The following APC2 variants were observed in gnomAD, a reference collection of about 807,000 sequenced individuals.
The protein encoded by APC2 is APC regulator of Wnt signaling pathway 2.
APC2 carries 41 observed loss-of-function variants against 72.5 expected under a neutral mutation model. The observed-to-expected ratio is 0.57, with a 90% CI of 0.44 to 0.73. The LOEUF is 0.73. Among genes scored for constraint, APC2 ranks in the 30% least tolerant of loss-of-function variants. The pLI, the probability that APC2 is intolerant of heterozygous loss-of-function variation, is 0.00. For synonymous variants in APC2, 1,898 were observed against 1,612.0 expected, an observed-to-expected ratio of 1.18 and a Z score of -4.25; for missense variants, 3,729 against 3,403.4, an observed-to-expected ratio of 1.10 and a Z score of -2.38.
At chr19:1,454,720 C>T (rs1280318979) in intron 4 of APC2, among the ~76,000 whole-genome samples, 4 of 152,038 alleles carry the variant, frequency 2.6e-5, no homozygotes, top group South Asian at 2.1e-4. Context: ...CCCGCCACCA[C>T]GCCCGGCTAA....
chr19:1,449,241 C>T (rs893268635), upstream of APC2, among the ~76,000 whole-genome samples: 1 of 152,214 alleles, frequency 6.6e-6, no homozygotes, highest in Non-Finnish European at 1.5e-5. Flanking sequence ...AATCACTCTT[C>T]TGGCCCCAGT....
chr19:1,446,461 G>T, upstream of APC2: 10 of 762,946 alleles, frequency 1.3e-5, no homozygotes, highest in Non-Finnish European at 1.6e-5. The surrounding 1 kb of genome is among the most constrained non-coding windows in gnomAD (Gnocchi z 6.1). Flanking sequence ...GCGCGCGGAG[G>T]CTGCAGAGTC....
rs756463160 is a variant in APC2 at position 1,461,919 on chromosome 19, G to A, written c.1639-44G>A. 14 of 1,528,772 alleles carry A rather than the reference G, an allele frequency of 9.2e-6. No individual in the cohort carries two copies. In the East Asian group the frequency reaches 3.0e-4, roughly 33 times the overall value. The allele number at this position is 1,528,772 out of a possible 1,614,324, so 94.7% of individuals were successfully genotyped here. On this transcript the variant is annotated intron_variant, in intron 13 of 14. Coordinates refer to ENST00000590469, the MANE Select transcript of APC2 (RefSeq NM_005883.3). ...TGTGAGCGTGGGAGCCTTTCCTCCGGGCCACTCAGGCCCTGACCCGCCCCT... is the reference window on the plus strand; with the variant it reads ...TGTGAGCGTGGGAGCCTTTCCTCCGAGCCACTCAGGCCCTGACCCGCCCCT...
rs2083998897 is a variant in APC2, at chr19:1,465,753, C to T, written c.2452C>T (p.Arg818Cys). ...SPFLQGQALA[R>C]TPPTRRGGKE... ...CTTCCTGCAGGGGCAGGCGCTGGCT[C>T]GCACCCCGCCCACCCGCCGAGGCGG... Residue 818 changes from arginine to cysteine, a missense_variant, in exon 15 of 15, where the codon CGC (arginine) becomes TGC (cysteine). Physicochemically the swap from Arg to Cys is radical, Grantham distance 180. Transcript: ENST00000590469. 3 of 1,533,014 alleles carry T rather than the reference C, an allele frequency of 2.0e-6. No homozygotes were observed. The highest frequency in any genetic ancestry group is 2.7e-5 in the African/African-American group (2 of 72,772). 95.0% of individuals were successfully genotyped at this position (1,533,014 alleles called of 1,614,324 possible). A position where few individuals can be genotyped will look rare whatever the true frequency, so the allele number is the denominator to read the frequency against.
At position 1,466,495 on chromosome 19, in the gene APC2, T is replaced by A. The variant is rs1479420405; in HGVS notation, c.3194T>A (p.Leu1065His). Residue 1065 changes from leucine (L) to histidine (H), a missense_variant, in exon 15 of 15, where the codon CTC becomes CAC. Physicochemically the swap from Leu to His is moderately conservative, Grantham distance 99. Coordinates refer to ENST00000590469, the MANE Select transcript of APC2 (RefSeq NM_005883.3). ...LQKLAAQEGP[L>H]SLSRCSSLSS... is the part of the protein sequence containing the mutation. The stretch of plus-strand genomic sequence containing the variant: ...AAACTGGCGGCGCAAGAGGGGCCAC[T>A]CTCGCTGTCCCGATGCAGCTCCCTT... 4 of 1,597,492 alleles carry A rather than the reference T, an allele frequency of 2.5e-6. No individual in the cohort carries two copies. Among genetic ancestry groups the A allele is most frequent in the East Asian group, 2.2e-5 (1 of 44,830 alleles).
Position 1,469,627 on chromosome 19 carries a change from G to C in APC2, c.6326G>C (p.Arg2109Pro). 8.1e-7 allele frequency: 1 copy of C among 1,233,466 alleles called. No homozygotes were observed. The allele number at this position is 1,233,466 out of a possible 1,614,324, so 76.4% of individuals were successfully genotyped here. ...TCGCTGCCGCACATCAGCGTGGCCC[G>C]CAGGCCCGACGGCGCCGTCCCCGCG... ...YASLPHISVA[R>P]RPDGAVPAAP... The change falls in exon 15 of 15, where the codon CGC becomes CCC. Residue 2109 changes from arginine to proline, a missense_variant. Arg to Pro is a moderately radical substitution (Grantham distance 103). Coordinates refer to ENST00000590469, the MANE Select transcript of APC2 (RefSeq NM_005883.3).
At position 1,466,263 on chromosome 19, in the gene APC2, G is replaced by C. The variant is rs866503233; in HGVS notation, c.2962G>C (p.Ala988Pro). ...GGCCCGCGAGGCCACCTCCGCCGACGCCCGCGTGCGCACCATCAAGCTGTC... is the reference window on the plus strand; with the variant it reads ...GGCCCGCGAGGCCACCTCCGCCGACCCCCGCGTGCGCACCATCAAGCTGTC... The part of the protein sequence containing the change: ...PPAREATSAD[A>P]RVRTIKLSPT... Residue 988 changes from alanine to proline, a missense_variant, in exon 15 of 15, where the codon GCC becomes CCC. Coordinates refer to ENST00000590469, the MANE Select transcript of APC2 (RefSeq NM_005883.3). 1 of 1,525,942 alleles carries C rather than the reference G, an allele frequency of 6.6e-7. No homozygotes were observed. The highest frequency in any genetic ancestry group is 8.7e-7 in the Non-Finnish European group (1 of 1,143,482). 94.5% of individuals were successfully genotyped at this position (1,525,942 alleles called of 1,614,324 possible). A position where few individuals can be genotyped will look rare whatever the true frequency, so the allele number is the denominator to read the frequency against.
chr19:1,465,898 C>A lies in APC2; in HGVS notation c.2597C>A (p.Thr866Asn). Residue 866 changes from threonine to asparagine, a missense_variant, in exon 15 of 15, where the codon ACC becomes AAC. Thr to Asn is a moderately conservative substitution (Grantham distance 65). Transcript: ENST00000590469. ...QLVEDISALH[T>N]SSDDSFSLSS... ...GTGGAGGACATCTCCGCCCTGCACA[C>A]CTCGTCCGACGATAGCTTCAGCCTC... The A allele has an allele frequency of 6.3e-7, 1 of 1,574,872 alleles. No individual in the cohort carries two copies. The highest frequency in any genetic ancestry group is 8.6e-7 in the Non-Finnish European group (1 of 1,165,738).
In APC2 at chr19:1,469,348, C is replaced by A; in HGVS notation, c.6047C>A (p.Ser2016Tyr). The A allele has an allele frequency of 8.2e-6, 11 of 1,345,694 alleles. No homozygotes were observed. The highest frequency in any genetic ancestry group is 9.6e-6 in the Non-Finnish European group (10 of 1,041,828). The allele number at this position is 1,345,694 out of a possible 1,614,324, so 83.4% of individuals were successfully genotyped here. ...RRRSELSSAESAASAPQGASP... is the reference protein window; with the variant it reads ...RRRSELSSAEYAASAPQGASP... ...CGCTCCGAGCTGTCCTCGGCCGAGTCCGCGGCCTCTGCCCCCCAGGGCGCC... is the reference window on the plus strand; with the variant it reads ...CGCTCCGAGCTGTCCTCGGCCGAGTACGCGGCCTCTGCCCCCCAGGGCGCC... Residue 2016 changes from serine to tyrosine, a missense_variant, in exon 15 of 15, where the codon TCC (serine) becomes TAC (tyrosine). By Grantham distance (144) the Ser-to-Tyr change is moderately radical. Transcript: ENST00000590469.
At chr19:1,455,103 A>G (rs774265392) in intron 4 of APC2, 46 bp from the exon 5 acceptor site, 1 of 1,292,718 alleles carries the variant, frequency 7.7e-7, no homozygotes, top group South Asian at 1.4e-5. Flanking sequence ...AAATAAACAC[A>G]CACGGCGCCG....
rs781254799 is a variant in APC2, at chr19:1,468,644, G to A, written c.5343G>A (p.Thr1781=). ...PEKPRGTQKT[T]PGVPAVLRGR... is the part of the protein sequence containing the mutation. Reference sequence around the variant, plus strand: ...AGCCACGTGGCACACAGAAGACCACGCCCGGGGTGCCAGCTGTGCTCCGGG... The same window carrying A: ...AGCCACGTGGCACACAGAAGACCACACCCGGGGTGCCAGCTGTGCTCCGGG... The change falls in exon 15 of 15, where the codon ACG becomes ACA. Residue 1781 remains threonine, a synonymous_variant. Coordinates refer to ENST00000590469, the MANE Select transcript of APC2 (RefSeq NM_005883.3). 41 of 1,593,188 alleles carry A rather than the reference G, an allele frequency of 2.6e-5. No individual in the cohort carries two copies. The highest frequency in any genetic ancestry group is 6.8e-5 in the Admixed American group (4 of 58,680).
rs757123274 is a variant in APC2, at chr19:1,469,702, G to C, written c.6401G>C (p.Arg2134Pro). 7 of 1,378,558 alleles carry C rather than the reference G, an allele frequency of 5.1e-6. No homozygotes were observed. In the South Asian group the frequency reaches 9.8e-5, roughly 19 times the overall value. 85.4% of individuals were successfully genotyped at this position (1,378,558 alleles called of 1,614,324 possible). The change falls in exon 15 of 15, where the codon CGG (arginine) becomes CCG (proline). Residue 2134 changes from arginine to proline, a missense_variant. Transcript: ENST00000590469. Reference sequence around the variant, plus strand: ...CGCCGCAGCAGCGACGGGGAGCCCCGGCCGCTCCCCAGGGTGGCCGCGCCG... The same window carrying C: ...CGCCGCAGCAGCGACGGGGAGCCCCCGCCGCTCCCCAGGGTGGCCGCGCCG... ...AARRSSDGEPRPLPRVAAPGT... is the reference protein window; with the variant it reads ...AARRSSDGEPPPLPRVAAPGT...
upstream of APC2, chr19:1,446,367 G>C: frequency 1.0e-6 from 1 of 985,414 alleles, no homozygotes; most frequent in South Asian, 4.7e-5. This position sits in a 1 kb window ranked among gnomAD's most constrained non-coding sequence, Gnocchi z 6.1. Flanking sequence ...CGAGCCGTTG[G>C]GGAGGGCTCC....
rs2084057286 is a variant in APC2 at position 1,468,131 on chromosome 19, G to A, written c.4830G>A (p.Pro1610=). Reference sequence around the variant, plus strand: ...GGGAGCCCGCGGTCACCAAGGACCCGGGCCCAGGAGGCGGACGCGACAGCT... The same window carrying A: ...GGGAGCCCGCGGTCACCAAGGACCCAGGCCCAGGAGGCGGACGCGACAGCT... ...RGREPAVTKD[P]GPGGGRDSSP... is the part of the protein sequence containing the mutation. The change falls in exon 15 of 15, where the codon CCG becomes CCA. Residue 1610 remains proline (P), a synonymous_variant. Coordinates refer to ENST00000590469, the MANE Select transcript of APC2 (RefSeq NM_005883.3). 1 of 1,499,480 alleles carries A rather than the reference G, an allele frequency of 6.7e-7. No homozygotes were observed. Among genetic ancestry groups the A allele is most frequent in the Non-Finnish European group, 8.8e-7 (1 of 1,131,642 alleles). The allele number at this position is 1,499,480 out of a possible 1,614,324, so 92.9% of individuals were successfully genotyped here.
rs937090268 is a variant in APC2, at chr19:1,469,668, G to A, written c.6367G>A (p.Asp2123Asn). 3.9e-6 allele frequency: 5 copies of A among 1,266,818 alleles called. No homozygotes were observed. In the African/African-American group the frequency reaches 6.3e-5, roughly 16 times the overall value. 78.5% of individuals were successfully genotyped at this position (1,266,818 alleles called of 1,614,324 possible). The change falls in exon 15 of 15, where the codon GAC becomes AAC. Residue 2123 changes from aspartate (D) to asparagine (N), a missense_variant. Physicochemically the swap from Asp to Asn is conservative, Grantham distance 23. Transcript: ENST00000590469. ...GAVPAAPASA[D>N]AARRSSDGEP... ...CGTCCCCGCGGCCCCTGCCTCAGCC[G>A]ACGCCGCGCGCCGCAGCAGCGACGG...
upstream of APC2, chr19:1,446,240 T>C (rs1320217275): frequency 1.0e-6 from 1 of 979,140 alleles, no homozygotes; most frequent in South Asian, 4.7e-5. The surrounding 1 kb of genome is among the most constrained non-coding windows in gnomAD (Gnocchi z 6.1). Flanking sequence ...ACCCCCACCC[T>C]GGCCGCCGAG....
In APC2 at chr19:1,456,321, A is replaced by G; in HGVS notation, c.733A>G (p.Lys245Glu). 1 of 1,608,658 alleles carries G rather than the reference A, an allele frequency of 6.2e-7. No homozygotes were observed. The highest frequency in any genetic ancestry group is 8.5e-7 in the Non-Finnish European group (1 of 1,178,330). The part of the protein sequence containing the change: ...QTEPQALLAV[K>E]SVPVDEDPET... ...CTCCCTGCAGGCCTTGCTGGCGGTG[A>G]AGTCGGTGCCGGTGGACGAGGACCC... The change falls in exon 8 of 15, where the codon AAG becomes GAG. Residue 245 changes from lysine to glutamate, a missense_variant. Coordinates refer to ENST00000590469, the MANE Select transcript of APC2 (RefSeq NM_005883.3).
intron 11 of APC2, among the ~76,000 whole-genome samples, 184 bp from the exon 12 acceptor site, chr19:1,460,596 G>C (rs1034579131): frequency 6.6e-6 from 1 of 152,180 alleles, no homozygotes; most frequent in Non-Finnish European, 1.5e-5. Context: ...CCCCGAGGCT[G>C]GGTGTCTGCC....
chr19:1,447,543 C>T (rs1281364804), upstream of APC2, among the ~76,000 whole-genome samples: 1 of 151,864 alleles, frequency 6.6e-6, no homozygotes, highest in Non-Finnish European at 1.5e-5. Context: ...AGGGGGAGAC[C>T]TCTCTCAGTC....
Sources: allele counts gnomAD v4.1 joint callset (sites outside exome capture counted in the v4.1 genomes callset), GRCh38; gene constraint gnomAD v4.1.1; non-coding constraint Gnocchi (gnomAD v3.1); transcripts MANE v1.5; gene names NCBI Gene and HGNC (gene_info 2026-07-23, HGNC 2026-07-21).